The following MYO5B variants were observed in gnomAD, a reference collection of about 807,000 sequenced individuals.
MYO5B encodes myosin VB, also known as unconventional myosin-Vb.
Under a neutral mutation model 229.3 loss-of-function variants are expected in MYO5B, and 143 were observed. The ratio of observed to expected loss-of-function variants is 0.62; its 90% CI spans 0.54 to 0.72. The LOEUF (loss-of-function observed/expected upper bound fraction) is 0.72, where lower values mean the gene tolerates loss of function less well. Ranked by LOEUF, MYO5B falls within the 30% of genes least tolerant of loss-of-function variation. The pLI is 0.00. For missense variants in MYO5B, 2,321 were observed against 2,331.0 expected (o/e 1.00, Z 0.09); for synonymous variants, 918 against 885.2 (o/e 1.04, Z -0.66).
intron 33 of MYO5B, among the ~76,000 whole-genome samples, chr18:49,844,818 A>G (rs1194851922): frequency 6.6e-6 from 1 of 152,220 alleles, no homozygotes; most frequent in Non-Finnish European, 1.5e-5. Flanking sequence ...GGAATGTTCT[A>G]TTGTGATTAA....
At chr18:50,095,486 C>G (rs2031533190) in intron 1 of MYO5B, among the ~76,000 whole-genome samples, 1 of 152,194 alleles carries the variant, frequency 6.6e-6, no homozygotes, top group Admixed American at 6.5e-5. Flanking sequence ...AATCATGAAG[C>G]AGGCACATGT....
chr18:50,091,481 A>G (rs1022874115), intron 1 of MYO5B, among the ~76,000 whole-genome samples: 3 of 152,210 alleles, frequency 2.0e-5, no homozygotes, highest in Non-Finnish European at 2.9e-5. Flanking sequence ...AGTAATTAAC[A>G]TACACAATCT....
chr18:49,988,823 A>G (rs2025898797), intron 7 of MYO5B, among the ~76,000 whole-genome samples: 1 of 152,196 alleles, frequency 6.6e-6, no homozygotes. Flanking sequence ...CAGTGTGCAA[A>G]GAGTGCTCAG....
chr18:50,121,272 C>T (rs1391771353), intron 1 of MYO5B, among the ~76,000 whole-genome samples: 1 of 152,148 alleles, frequency 6.6e-6, no homozygotes, highest in Non-Finnish European at 1.5e-5. Context: ...AGATTATAAG[C>T]ACCTCAAGGC....
At chr18:49,969,211 C>G (rs2025660620) in intron 10 of MYO5B, among the ~76,000 whole-genome samples, 1 of 152,152 alleles carries the variant, frequency 6.6e-6, no homozygotes. Flanking sequence ...GATTTCTCCC[C>G]CTCCATTTTC....
intron 32 of MYO5B, among the ~76,000 whole-genome samples, chr18:49,848,303 A>G (rs590281): frequency 0.43 from 65,364 of 150,868 alleles, 14,642 homozygotes; most frequent in Middle Eastern, 0.55. Context: ...GTGGGTGCTG[A>G]TGATGTGGGT....
intron 9 of MYO5B, among the ~76,000 whole-genome samples, chr18:49,976,183 T>C (rs1315120822): frequency 6.6e-6 from 1 of 152,244 alleles, no homozygotes; most frequent in Admixed American, 6.5e-5. Context: ...CTAATGACCC[T>C]CAATTGCTTG....
intron 1 of MYO5B, among the ~76,000 whole-genome samples, chr18:50,177,589 G>A (rs77587172): frequency 0.04 from 6,017 of 152,266 alleles, 154 homozygotes; most frequent in Non-Finnish European, 0.055. Context: ...GCCCCTCCCT[G>A]GAGTTGGTGG....
In MYO5B at chr18:49,931,453, G is replaced by C. The variant is rs192049039; in HGVS notation, c.2004-1855C>G. On this transcript the variant is annotated intron_variant, in intron 16 of 39. Coordinates refer to ENST00000285039, the MANE Select transcript of MYO5B (RefSeq NM_001080467.3). ...ACAGCCCACGGCACTGAGCATGTGA[G>C]GCACAACGGAACACTGATTTACACA... is the stretch of plus-strand genomic sequence containing the variant. Among the ~76,000 whole-genome samples, 14 of 152,266 alleles carry C rather than the reference G, an allele frequency of 9.2e-5. No homozygotes were observed. In the East Asian group the frequency reaches 2.1e-3, roughly 23 times the overall value.
chr18:49,886,498 G>C (rs571358752), intron 22 of MYO5B, among the ~76,000 whole-genome samples: 1 of 152,260 alleles, frequency 6.6e-6, no homozygotes, highest in African/African-American at 2.4e-5. Flanking sequence ...GATAAGCACA[G>C]TCAGGGACTC....
chr18:50,190,631 A>G (rs1377332834), intron 1 of MYO5B, among the ~76,000 whole-genome samples: 2 of 152,182 alleles, frequency 1.3e-5, no homozygotes, highest in Non-Finnish European at 2.9e-5. Context: ...ACCTACCAAA[A>G]AAAAATCACA....
At chr18:50,163,867 T>G (rs920076612) in intron 1 of MYO5B, among the ~76,000 whole-genome samples, 8 of 152,210 alleles carry the variant, frequency 5.3e-5, no homozygotes, top group African/African-American at 1.7e-4. Flanking sequence ...AAATGTTAAT[T>G]TGCTCTGAGA....
In MYO5B at chr18:49,877,797, A is replaced by G; in HGVS notation, c.3362T>C (p.Ile1121Thr). The change falls in exon 25 of 40, where the codon ATC becomes ACC. Residue 1121 changes from isoleucine (I) to threonine (T), a missense_variant. Ile to Thr is a moderately conservative substitution (Grantham distance 89). This residue lies in a region of MYO5B where 2,113 missense variants were observed against 2,044.7 expected (regional missense o/e 1.03). Coordinates refer to ENST00000285039, the MANE Select transcript of MYO5B (RefSeq NM_001080467.3). ...SNYPSISTSE[I>T]GDTEDALQQV... Reference sequence around the variant, plus strand: ...CTGGAGGGCATCCTCAGTGTCTCCGATCTCAGATGTGGAGATGGAGGGGTA... The same window carrying G: ...CTGGAGGGCATCCTCAGTGTCTCCGGTCTCAGATGTGGAGATGGAGGGGTA... 6.2e-7 allele frequency: 1 copy of G among 1,614,128 alleles called. No homozygotes were observed. Among genetic ancestry groups the G allele is most frequent in the Non-Finnish European group, 8.5e-7 (1 of 1,179,980 alleles).
chr18:50,107,140 G>C (rs1010937780), intron 1 of MYO5B, among the ~76,000 whole-genome samples: 3 of 19,484 alleles, frequency 1.5e-4, no homozygotes, highest in Admixed American at 7.7e-4. Flanking sequence ...TTTTTTTTTT[G>C]AGACAGTCTC....
rs550724467 is a variant in MYO5B, at chr18:50,126,227, TAAAAAC to T, written c.27+68534_27+68539del. On this transcript the variant is annotated intron_variant, in intron 1 of 39. Coordinates refer to ENST00000285039, the MANE Select transcript of MYO5B (RefSeq NM_001080467.3). ...AAATTTTACTTATATTTTACCATAA[TAAAAAC>T]AAACAACCCTGAAACAGGGAAACAG... 4.3e-4 allele frequency among the ~76,000 whole-genome samples: 65 copies of T among 152,276 alleles called. No individual in the cohort carries two copies. The South Asian group carries it at 0.011, about 26-fold the overall frequency.
intron 10 of MYO5B, among the ~76,000 whole-genome samples, chr18:49,968,739 C>T (rs373307809): frequency 6.6e-6 from 1 of 151,876 alleles, no homozygotes; most frequent in Non-Finnish European, 1.5e-5. Context: ...TCTTGGTGGG[C>T]TCTTGTTACA....
chr18:49,904,080 C>A (rs996233080), intron 20 of MYO5B, among the ~76,000 whole-genome samples: 2 of 152,244 alleles, frequency 1.3e-5, no homozygotes, highest in Non-Finnish European at 2.9e-5. Context: ...ACTCAGGTAT[C>A]AGAAGGGGTG....
At chr18:49,902,354 T>G (rs1259473963) in intron 21 of MYO5B, among the ~76,000 whole-genome samples, 1 of 152,208 alleles carries the variant, frequency 6.6e-6, no homozygotes, top group Non-Finnish European at 1.5e-5. Context: ...GTTCTTAATT[T>G]AATTGCATCT....
chr18:50,074,063 G>A (rs774777812), intron 1 of MYO5B, among the ~76,000 whole-genome samples: 47 of 152,254 alleles, frequency 3.1e-4, no homozygotes, highest in South Asian at 6.2e-4. Flanking sequence ...AGACATACCC[G>A]AGACTGGGAA....
Sources: allele counts gnomAD v4.1 joint callset (sites outside exome capture counted in the v4.1 genomes callset), GRCh38; gene constraint gnomAD v4.1.1; regional missense constraint gnomAD v4.1.1; transcripts MANE v1.5; gene names NCBI Gene and HGNC (gene_info 2026-07-23, HGNC 2026-07-21).